Variants in ITPRID1 observed in about 807,000 individuals in gnomAD.
The protein encoded by ITPRID1 is protein ITPRID1.
A neutral mutation model predicts 95.4 loss-of-function variants in ITPRID1; 96 were observed. That is an observed-to-expected ratio of 1.01 (90% CI 0.85 to 1.19). ITPRID1 has a LOEUF of 1.19. Ranked by LOEUF, ITPRID1 falls within the 50% of genes most tolerant of loss-of-function variation. ITPRID1 has a pLI of 0.00. For synonymous variants in ITPRID1, 510 were observed against 453.6 expected (o/e 1.12, Z -1.58); for missense variants, 1,339 against 1,252.9 (o/e 1.07, Z -1.04).
intron 10 of ITPRID1, among the ~76,000 whole-genome samples, chr7:31,627,532 C>T (rs760671462): frequency 1.3e-5 from 2 of 152,030 alleles, no homozygotes. Flanking sequence ...ATGGTGCACA[C>T]CTGTAGTCCC....
intron 10 of ITPRID1, among the ~76,000 whole-genome samples, chr7:31,588,144 T>A (rs984460903): frequency 6.6e-6 from 1 of 152,146 alleles, no homozygotes; most frequent in Admixed American, 6.5e-5. Flanking sequence ...CAGAGAATAA[T>A]CATAAACTCT....
At chr7:31,568,376 T>C (rs1659406680) in intron 5 of ITPRID1, among the ~76,000 whole-genome samples, 1 of 152,178 alleles carries the variant, frequency 6.6e-6, no homozygotes, top group South Asian at 2.1e-4. Flanking sequence ...TATTCTTTCA[T>C]ATGTTTAAAT....
intron 5 of ITPRID1, among the ~76,000 whole-genome samples, chr7:31,560,905 G>C (rs1784601656): frequency 6.6e-6 from 1 of 152,138 alleles, no homozygotes; most frequent in Non-Finnish European, 1.5e-5. Flanking sequence ...AAAGACGGAA[G>C]ACCACACAAG....
intron 10 of ITPRID1, among the ~76,000 whole-genome samples, chr7:31,618,557 T>C (rs554765506): frequency 1.8e-4 from 27 of 152,234 alleles, no homozygotes; most frequent in African/African-American, 5.8e-4. Context: ...GTAGAGATGA[T>C]GTTAGGAAAG....
intron 10 of ITPRID1, among the ~76,000 whole-genome samples, chr7:31,607,060 C>T (rs947365382): frequency 6.6e-6 from 1 of 152,034 alleles, no homozygotes; most frequent in Non-Finnish European, 1.5e-5. Context: ...TTTCCTAGAG[C>T]TCATGTCTTT....
chr7:31,620,597 A>C (rs1314447699), intron 10 of ITPRID1, among the ~76,000 whole-genome samples: 1 of 150,774 alleles, frequency 6.6e-6, no homozygotes, highest in Non-Finnish European at 1.5e-5. Flanking sequence ...ATCCACACCA[A>C]AAACCCATCT....
In ITPRID1 at chr7:31,577,875, AG is replaced by A. The variant is rs757498755; in HGVS notation, c.612del (p.Gln204HisfsTer8). The A allele has an allele frequency of 1.3e-6, 2 of 1,593,182 alleles. No individual in the cohort carries two copies. Among genetic ancestry groups the A allele is most frequent in the Non-Finnish European group, 1.7e-6 (2 of 1,169,752 alleles). On this transcript the variant is annotated frameshift_variant, in exon 9 of 15. Transcript: ENST00000615280. LOFTEE classifies it high-confidence loss of function. ...ENPNLYGRFR[Q>X]LEILDHVTNA... ...TTGTGTTGTGCAGGTCGTTTCCGAC[AG>A]CTGGAAATCCTGGACCATGTGACCA...
chr7:31,621,187 G>C (rs1161514808), intron 10 of ITPRID1, among the ~76,000 whole-genome samples: 1 of 152,156 alleles, frequency 6.6e-6, no homozygotes, highest in Non-Finnish European at 1.5e-5. Context: ...CAATCTGCAG[G>C]ATATTATCCA....
intron 5 of ITPRID1, among the ~76,000 whole-genome samples, chr7:31,566,495 A>C (rs1222697850): frequency 6.6e-6 from 1 of 152,228 alleles, no homozygotes; most frequent in African/African-American, 2.4e-5. Context: ...ACTCTCCAGA[A>C]TCATCTCGAA....
downstream of ITPRID1, chr7:31,658,515 AGT>A: frequency 2.4e-6 from 2 of 835,736 alleles, no homozygotes; most frequent in East Asian, 3.0e-5. Flanking sequence ...AAAGTTTTAG[AGT>A]GTTTTCATGT....
intron 10 of ITPRID1, among the ~76,000 whole-genome samples, chr7:31,605,705 A>G (rs1469450287): frequency 6.6e-6 from 1 of 152,220 alleles, no homozygotes; most frequent in East Asian, 1.9e-4. Context: ...AACTGATCTT[A>G]TTCTGGCCGT....
chr7:31,620,270 T>C (rs577728544), intron 10 of ITPRID1, among the ~76,000 whole-genome samples: 44 of 152,182 alleles, frequency 2.9e-4, no homozygotes, highest in African/African-American at 5.1e-4. Context: ...TCTCCCAGCA[T>C]GCAGCTGGAG....
chr7:31,617,317 T>TTGATAA (rs1787345950), intron 10 of ITPRID1, among the ~76,000 whole-genome samples: 2 of 152,126 alleles, frequency 1.3e-5, no homozygotes, highest in African/African-American at 4.8e-5. Context: ...AAGTATTTCA[T>TTGATAA]TGATAAGCTA....
At chr7:31,561,999 G>A (rs1784639508) in intron 5 of ITPRID1, among the ~76,000 whole-genome samples, 1 of 135,208 alleles carries the variant, frequency 7.4e-6, no homozygotes, top group Admixed American at 8.4e-5. Context: ...TTCCCAGGCT[G>A]CAAATTCATT....
chr7:31,620,201 A>G (rs1416627203), intron 10 of ITPRID1, among the ~76,000 whole-genome samples: 6 of 152,132 alleles, frequency 3.9e-5, no homozygotes, highest in African/African-American at 1.4e-4. Flanking sequence ...ACAAAAAGAC[A>G]GCAGTAACCT....
At chr7:31,515,454 A>G (rs1783014261) in intron 1 of ITPRID1, among the ~76,000 whole-genome samples, 1 of 152,188 alleles carries the variant, frequency 6.6e-6, no homozygotes, top group Non-Finnish European at 1.5e-5. Context: ...GCATGCCTGT[A>G]ATCACAGCTA....
At chr7:31,624,747 G>A (rs1788279632) in intron 10 of ITPRID1, among the ~76,000 whole-genome samples, 1 of 151,578 alleles carries the variant, frequency 6.6e-6, no homozygotes, top group African/African-American at 2.4e-5. Context: ...AAAAGCAATG[G>A]CAACAAAAGC....
rs1785110044 is a variant in ITPRID1, at chr7:31,574,600, G to C, written c.456G>C (p.Gly152=). ...IDPVEILLDL[G]FGADEPDICM... is the part of the protein sequence containing the mutation. ...CAGTGGAGATTCTCTTGGATCTGGG[G>C]TTTGGTGCTGATGAGCCAGACATCT... Residue 152 remains glycine, a synonymous_variant, in exon 8 of 15, where the codon GGG becomes GGC. Coordinates refer to ENST00000615280, the MANE Select transcript of ITPRID1 (RefSeq NM_001257967.3). 1 of 1,613,800 alleles carries C rather than the reference G, an allele frequency of 6.2e-7. No individual in the cohort carries two copies. Among genetic ancestry groups the C allele is most frequent in the Admixed American group, 1.7e-5 (1 of 59,984 alleles).
chr7:31,532,143 G>GTTTA (rs1332930042), intron 1 of ITPRID1, among the ~76,000 whole-genome samples: 6 of 151,836 alleles, frequency 4.0e-5, no homozygotes, highest in African/African-American at 1.2e-4. Flanking sequence ...TTTATAACAT[G>GTTTA]TTTATTTTAT....
Sources: gnomAD v4.1 joint callset for allele counts (sites outside exome capture counted in the v4.1 genomes callset) on GRCh38, gnomAD v4.1.1 for gene constraint, MANE v1.5 for transcripts, NCBI Gene and HGNC (gene_info 2026-07-23, HGNC 2026-07-21) for gene names.